The following NOL11 variants were observed in gnomAD, a reference collection of about 807,000 sequenced individuals.
The protein encoded by NOL11 is nucleolar protein 11.
Under a neutral mutation model 93.0 loss-of-function variants are expected in NOL11, and 42 were observed. That is an observed-to-expected ratio of 0.45 (90% CI 0.35 to 0.58). The LOEUF (loss-of-function observed/expected upper bound fraction) is 0.58. NOL11 is among the 20% of genes least tolerant of loss of function. The probability of loss-of-function intolerance (pLI) is 0.00; values close to 1 mark genes in which losing one functional copy is unlikely to be tolerated. For synonymous variants in NOL11, 296 were observed against 293.7 expected, an observed-to-expected ratio of 1.01 and a Z score of -0.08; for missense variants, 775 against 841.8, an observed-to-expected ratio of 0.92 and a Z score of 0.98.
chr17:67,723,639 G>GGCCTCCCAAAGTGCTGGTATTA (rs1368336224), intron 5 of NOL11, among the ~76,000 whole-genome samples: 12 of 150,528 alleles, frequency 8.0e-5, no homozygotes, highest in African/African-American at 2.9e-4. Context: ...CACCGACTGC[G>GGCCTCCCAAAGTGCTGGTATTA]GCCTCCCAAA....
chr17:67,733,709 T>C (rs938434568), intron 7 of NOL11, among the ~76,000 whole-genome samples: 2 of 152,190 alleles, frequency 1.3e-5, no homozygotes, highest in Non-Finnish European at 2.9e-5. Context: ...TTTTAAGTCA[T>C]GAAAGACTGT....
chr17:67,740,887 T>TA (rs1030754110), intron 16 of NOL11: 4 of 123,444 alleles, frequency 3.2e-5, no homozygotes, highest in South Asian at 3.0e-4. Context: ...ATTCTTCATA[T>TA]AAAAAATAAC....
In NOL11 at chr17:67,738,366, A is replaced by T; in HGVS notation, c.1763+11A>T. On this transcript the variant is annotated intron_variant, in intron 14 of 17. Transcript: ENST00000253247. ...AAGAGCAGCTCTACTGTATCCTTTG[A>T]CATAGAGCATCCCTCTGTTTCTCTT... The T allele has an allele frequency of 6.5e-7, 1 of 1,541,756 alleles. No homozygotes were observed. Among genetic ancestry groups the T allele is most frequent in the Non-Finnish European group, 8.9e-7 (1 of 1,119,712 alleles).
rs367732036 is a variant in NOL11 at position 67,739,427 on chromosome 17, G to C, written c.1843-89G>C. ...GGCGTATTTGTTTGATGTATAAATTGAACATTTTTTTCAATCTTCGTGATG... is the reference window on the plus strand; with the variant it reads ...GGCGTATTTGTTTGATGTATAAATTCAACATTTTTTTCAATCTTCGTGATG... On this transcript the variant is annotated intron_variant, in intron 15 of 17. Transcript: ENST00000253247. 7.0e-3 allele frequency: 5,118 copies of C among 735,996 alleles called. 29 individuals carry two copies. The highest frequency in any genetic ancestry group is 0.024 in the Middle Eastern group (65 of 2,692). The allele number at this position is 735,996 out of a possible 1,614,324, so 45.6% of individuals were successfully genotyped here.
In NOL11 at chr17:67,736,038, C is replaced by T; in HGVS notation, c.1054+15C>T. The T allele has an allele frequency of 6.3e-7, 1 of 1,599,766 alleles. No individual in the cohort carries two copies. The highest frequency in any genetic ancestry group is 8.5e-7 in the Non-Finnish European group (1 of 1,174,844). On this transcript the variant is annotated intron_variant, in intron 9 of 17. Transcript: ENST00000253247. ...TCAAGATCCAGGTAGAAACTTACTT[C>T]TGTTTGTTTTATTAATACAAACCGT...
rs1465662513 is a variant in NOL11, at chr17:67,735,988, G to A, written c.1019G>A (p.Gly340Asp). The A allele has an allele frequency of 5.6e-6, 9 of 1,609,870 alleles. No individual in the cohort carries two copies. Among genetic ancestry groups the A allele is most frequent in the Non-Finnish European group, 7.6e-6 (9 of 1,177,976 alleles). ...PYKCEVSSLA[G>D]ALGKLKHSQD... is the part of the protein sequence containing the mutation. ...AAGTGTGAAGTGTCATCATTAGCAG[G>A]TGCTCTTGGAAAACTCAAGCATAGT... Residue 340 changes from glycine to aspartate, a missense_variant, in exon 9 of 18, where the codon GGT becomes GAT. Gly to Asp is a moderately conservative substitution (Grantham distance 94). Transcript: ENST00000253247.
Position 67,739,001 on chromosome 17 carries a change from G to A in NOL11, c.1833G>A (p.Gln611=), listed in dbSNP as rs1358827266. 1.2e-6 allele frequency: 2 copies of A among 1,606,434 alleles called. No homozygotes were observed. The highest frequency in any genetic ancestry group is 2.7e-5 in the African/African-American group (2 of 74,744). The change falls in exon 15 of 18, where the codon CAG becomes CAA. Residue 611 remains glutamine (Q), a synonymous_variant. Transcript: ENST00000253247. The part of the protein sequence containing the change: ...LLPHLKDIPA[Q]HITLFLKYLY... ...CTCATTTGAAAGACATCCCAGCACAGCATATCACGGTAAGTGTTCATACAA... is the reference window on the plus strand; with the variant it reads ...CTCATTTGAAAGACATCCCAGCACAACATATCACGGTAAGTGTTCATACAA...
intron 5 of NOL11, among the ~76,000 whole-genome samples, chr17:67,723,228 T>G (rs2043232116): frequency 6.6e-6 from 1 of 151,818 alleles, no homozygotes; most frequent in Non-Finnish European, 1.5e-5. Flanking sequence ...GTCAGGCTGG[T>G]CTTGAACTCC....
intron 7 of NOL11, among the ~76,000 whole-genome samples, chr17:67,728,956 C>T (rs1057013352): frequency 6.6e-6 from 1 of 151,960 alleles, no homozygotes; most frequent in Non-Finnish European, 1.5e-5. Context: ...TTTTGTAATG[C>T]TCTTTTTAAT....
In NOL11 at chr17:67,738,118, A is replaced by G. The variant is rs534835516; in HGVS notation, c.1530-4A>G. ...TAACCTCTTGCTTTCAACTACCATC[A>G]TAGCATTGGTGATGACAGTCTTCAA... is the stretch of plus-strand genomic sequence containing the variant. On this transcript the variant is annotated splice_polypyrimidine_tract_variant and splice_region_variant and intron_variant, in intron 13 of 17. Coordinates refer to ENST00000253247, the MANE Select transcript of NOL11 (RefSeq NM_015462.5). The G allele has an allele frequency of 6.3e-6, 10 of 1,598,428 alleles. No homozygotes were observed. Among genetic ancestry groups the G allele is most frequent in the African/African-American group, 1.3e-5 (1 of 74,484 alleles).
intron 5 of NOL11, 128 bp from the exon 6 acceptor site, chr17:67,723,921 G>A (rs1182015881): frequency 8.2e-6 from 5 of 609,582 alleles, no homozygotes; most frequent in African/African-American, 7.5e-5. Context: ...AAACAAATTT[G>A]ATAGCATAAG....
At chr17:67,732,901 G>C (rs1003216408) in intron 7 of NOL11, among the ~76,000 whole-genome samples, 2 of 151,690 alleles carry the variant, frequency 1.3e-5, no homozygotes, top group African/African-American at 4.8e-5. Flanking sequence ...TTTGCTTTTT[G>C]TTTTTAGTAT....
chr17:67,734,226 C>T, intron 7 of NOL11, 137 bp from the exon 8 acceptor site: 1 of 611,756 alleles, frequency 1.6e-6, no homozygotes. Flanking sequence ...CTTCCAGTTC[C>T]TGTGGCAATC....
At chr17:67,739,050 T>A in intron 15 of NOL11, 40 bp downstream of exon 15, 1 of 1,361,290 alleles carries the variant, frequency 7.3e-7, no homozygotes, top group Non-Finnish European at 1.0e-6. Flanking sequence ...TTACTTCTGG[T>A]TTAAATATTG....
chr17:67,742,974 T>C (rs932186069), intron 16 of NOL11, among the ~76,000 whole-genome samples: 1 of 152,210 alleles, frequency 6.6e-6, no homozygotes, highest in Non-Finnish European at 1.5e-5. Flanking sequence ...TGGCGCGGTG[T>C]CTCAAGCCTG....
At chr17:67,723,270 C>T (rs1031750248) in intron 5 of NOL11, among the ~76,000 whole-genome samples, 1 of 151,772 alleles carries the variant, frequency 6.6e-6, no homozygotes, top group African/African-American at 2.4e-5. Flanking sequence ...CCTCAGCCTC[C>T]CAAAGTGCTG....
chr17:67,737,742 G>T, intron 12 of NOL11, 50 bp downstream of exon 12: 1 of 1,583,170 alleles, frequency 6.3e-7, no homozygotes, highest in Non-Finnish European at 8.6e-7. Context: ...TTCTGACCTT[G>T]TTTTTTATAG....
chr17:67,724,796 C>T (rs1249472638), intron 6 of NOL11, among the ~76,000 whole-genome samples: 1 of 152,168 alleles, frequency 6.6e-6, no homozygotes, highest in African/African-American at 2.4e-5. Context: ...GCATTGTTCA[C>T]GCCTGTAATC....
At chr17:67,727,404 A>G (rs539086055) in intron 7 of NOL11, among the ~76,000 whole-genome samples, 3 of 152,294 alleles carry the variant, frequency 2.0e-5, no homozygotes, top group South Asian at 4.1e-4. Flanking sequence ...CTCAATGCCT[A>G]TAATCCCAGC....
Sources: allele counts gnomAD v4.1 joint callset (sites outside exome capture counted in the v4.1 genomes callset), GRCh38; gene constraint gnomAD v4.1.1; transcripts MANE v1.5; gene names NCBI Gene and HGNC (gene_info 2026-07-23, HGNC 2026-07-21).